The following SORCS1 variants were observed in gnomAD, a reference collection of about 807,000 sequenced individuals.
SORCS1 encodes the protein VPS10 domain-containing receptor SorCS1.
In SORCS1, 60 loss-of-function variants were observed where a neutral mutation model predicts 146.1. That is an observed-to-expected ratio of 0.41 (90% CI 0.33 to 0.51). The LOEUF is 0.51. SORCS1 is among the 20% of genes least tolerant of loss of function. The probability of loss-of-function intolerance (pLI) is 0.21; values close to 1 mark genes in which losing one functional copy is unlikely to be tolerated. For synonymous variants in SORCS1, 637 were observed against 584.0 expected (o/e 1.09, Z -1.31); for missense variants, 1,352 against 1,487.6 (o/e 0.91, Z 1.50).
rs376341090 is a variant in SORCS1, at chr10:106,956,598, A to T, written c.559-18T>A. On this transcript the variant is annotated intron_variant, in intron 1 of 25. Transcript: ENST00000263054. ...AGAATCACCTGAAGGCAAAAGAAGA[A>T]ATCATGGTTAGTCTCAAACAATTAC... The T allele has an allele frequency of 1.2e-6, 2 of 1,611,410 alleles. No individual in the cohort carries two copies. Among genetic ancestry groups the T allele is most frequent in the Non-Finnish European group, 1.7e-6 (2 of 1,177,636 alleles).
intron 3 of SORCS1, among the ~76,000 whole-genome samples, chr10:106,790,479 G>A (rs574485082): frequency 6.6e-6 from 1 of 152,208 alleles, no homozygotes; most frequent in Admixed American, 6.5e-5. Flanking sequence ...AGGAACTAAG[G>A]AAGGGCAAGG....
chr10:106,870,358 A>G, intron 2 of SORCS1, among the ~76,000 whole-genome samples: 1 of 152,200 alleles, frequency 6.6e-6, no homozygotes, highest in East Asian at 1.9e-4. Flanking sequence ...TATGGAATCA[A>G]AAAAGGGGCT....
At chr10:107,087,318 G>T (rs1362906356) in intron 1 of SORCS1, among the ~76,000 whole-genome samples, 1 of 151,940 alleles carries the variant, frequency 6.6e-6, no homozygotes, top group East Asian at 1.9e-4. Flanking sequence ...ATTGCACAGT[G>T]GCTCTGGCCA....
chr10:106,833,857 A>C (rs1948671473), intron 2 of SORCS1, among the ~76,000 whole-genome samples: 1 of 152,044 alleles, frequency 6.6e-6, no homozygotes, highest in Non-Finnish European at 1.5e-5. Flanking sequence ...GCAGTGGCGC[A>C]ATCTCGGCTC....
At chr10:106,680,033 A>G (rs986317267) in intron 10 of SORCS1, among the ~76,000 whole-genome samples, 4 of 152,214 alleles carry the variant, frequency 2.6e-5, no homozygotes, top group Non-Finnish European at 4.4e-5. Context: ...AGATCCTTCC[A>G]TTAATTACCA....
At chr10:107,097,651 C>G (rs1964633119) in intron 1 of SORCS1, among the ~76,000 whole-genome samples, 1 of 152,204 alleles carries the variant, frequency 6.6e-6, no homozygotes, top group Non-Finnish European at 1.5e-5. Context: ...GTGCCTGCAG[C>G]TCTCCTCATC....
intron 12 of SORCS1, 88 bp downstream of exon 12, chr10:106,679,168 C>G (rs575142430): frequency 1.1e-6 from 1 of 879,634 alleles, no homozygotes. Flanking sequence ...TGTGTAGCAC[C>G]GCTGAAAAAA....
chr10:106,914,743 T>C (rs1952330818), intron 2 of SORCS1, among the ~76,000 whole-genome samples: 1 of 152,206 alleles, frequency 6.6e-6, no homozygotes, highest in Admixed American at 6.5e-5. Flanking sequence ...ATCAGTTACC[T>C]CAGGACTTAT....
intron 2 of SORCS1, among the ~76,000 whole-genome samples, chr10:106,912,846 T>G (rs940356519): frequency 6.6e-6 from 1 of 151,890 alleles, no homozygotes; most frequent in Non-Finnish European, 1.5e-5. Context: ...GCCCGGCTAA[T>G]TTTTGTATTT....
intron 1 of SORCS1, among the ~76,000 whole-genome samples, chr10:107,127,104 T>C (rs1966754359): frequency 6.8e-6 from 1 of 146,378 alleles, no homozygotes; most frequent in African/African-American, 2.4e-5. Flanking sequence ...TATTCAAAGA[T>C]ATGTAATTGC....
At chr10:106,579,199 C>T (rs1449246040) in intron 25 of SORCS1, 170 bp downstream of exon 25, 1 of 1,614,118 alleles carries the variant, frequency 6.2e-7, no homozygotes, top group East Asian at 2.2e-5. Context: ...CTGATCATCT[C>T]TTGTTCTTTC....
At chr10:107,014,223 G>A (rs1589930554) in intron 1 of SORCS1, among the ~76,000 whole-genome samples, 1 of 139,810 alleles carries the variant, frequency 7.2e-6, no homozygotes, top group African/African-American at 2.8e-5. Flanking sequence ...CTGCATTCCA[G>A]CCTGGACCAG....
chr10:106,790,950 C>A (rs959460459), intron 3 of SORCS1, among the ~76,000 whole-genome samples: 1 of 152,124 alleles, frequency 6.6e-6, no homozygotes, highest in Admixed American at 6.5e-5. Context: ...TCCCCAAAAA[C>A]GTACTCAGAA....
chr10:106,694,281 C>T (rs915124093), intron 9 of SORCS1, among the ~76,000 whole-genome samples: 1 of 151,910 alleles, frequency 6.6e-6, no homozygotes, highest in African/African-American at 2.4e-5. Context: ...ATTATTTTTC[C>T]TTTTTTGAGG....
At chr10:106,591,204 C>T (rs1000852680) in intron 24 of SORCS1, among the ~76,000 whole-genome samples, 11 of 152,166 alleles carry the variant, frequency 7.2e-5, no homozygotes, top group African/African-American at 2.7e-4. Context: ...CTTTTGGTAA[C>T]AGTCGCCTGC....
rs1022903788 is a variant in SORCS1, at chr10:106,580,014, G to T, written c.3266-540C>A. Among the ~76,000 whole-genome samples, 86 of 151,942 alleles carry T rather than the reference G, an allele frequency of 5.7e-4. 2 individuals carry two copies. Among genetic ancestry groups the T allele is most frequent in the African/African-American group, 2.0e-3 (84 of 41,438 alleles). On this transcript the variant is annotated intron_variant, in intron 24 of 25. Coordinates refer to ENST00000263054, the MANE Select transcript of SORCS1 (RefSeq NM_052918.5). ...CTTTTTCCACAAAGCAAAACAGATT[G>T]CCAATAAAACCACCTGCAGGAATAC...
chr10:107,026,945 T>C (rs1307392273), intron 1 of SORCS1, among the ~76,000 whole-genome samples: 1 of 151,308 alleles, frequency 6.6e-6, no homozygotes, highest in Non-Finnish European at 1.5e-5. Flanking sequence ...CTAATGCGTC[T>C]TTAAAAATAT....
intron 1 of SORCS1, among the ~76,000 whole-genome samples, chr10:107,046,098 C>A (rs1241787411): frequency 2.0e-5 from 3 of 152,054 alleles, no homozygotes; most frequent in Non-Finnish European, 4.4e-5. Context: ...AGGCACGTGC[C>A]ACCACGCCCA....
chr10:106,955,828 C>T (rs1954912265), intron 2 of SORCS1, among the ~76,000 whole-genome samples: 1 of 151,856 alleles, frequency 6.6e-6, no homozygotes, highest in Non-Finnish European at 1.5e-5. Flanking sequence ...ACGTCTCTAC[C>T]AAATATACAA....
Sources: allele counts gnomAD v4.1 joint callset (sites outside exome capture counted in the v4.1 genomes callset), GRCh38; gene constraint gnomAD v4.1.1; transcripts MANE v1.5; gene names NCBI Gene and HGNC (gene_info 2026-07-23, HGNC 2026-07-21).